Variants in HDAC9 observed in about 807,000 individuals in gnomAD.
HDAC9 encodes MEF-2 interacting transcription repressor (MITR) protein.
In HDAC9, 41 loss-of-function variants were observed where a neutral mutation model predicts 139.4. The observed-to-expected ratio is 0.29, with a 90% CI of 0.23 to 0.38. The LOEUF (loss-of-function observed/expected upper bound fraction) is 0.38, where lower values mean the gene tolerates loss of function less well. Ranked by LOEUF, HDAC9 falls within the 10% of genes least tolerant of loss-of-function variation. The pLI, the probability that HDAC9 is intolerant of heterozygous loss-of-function variation, is 1.00. For synonymous variants in HDAC9, 517 were observed against 476.2 expected, an observed-to-expected ratio of 1.09 and a Z score of -1.12; for missense variants, 1,147 against 1,297.0, an observed-to-expected ratio of 0.88 and a Z score of 1.78.
At position 18,182,436 on chromosome 7, in the gene HDAC9, C is replaced by T. The variant is rs757287192; in HGVS notation, c.25+20087C>T. Reference sequence around the variant, plus strand: ...AGAATAGCCAATATGTGATGACTGACGGGAAAACAGACAAACATAGTGGGA... The same window carrying T: ...AGAATAGCCAATATGTGATGACTGATGGGAAAACAGACAAACATAGTGGGA... On this transcript the variant is annotated intron_variant, in intron 2 of 12. Coordinates refer to the HDAC9 transcript ENST00000417496. Among the ~76,000 whole-genome samples, 21 of 152,104 alleles carry T rather than the reference C, an allele frequency of 1.4e-4. 1 individual carries two copies. The highest frequency in any genetic ancestry group is 2.4e-4 in the African/African-American group (10 of 41,506).
rs149720865 is a variant in HDAC9 at position 18,655,827 on chromosome 7, C to T, written c.1467+7144C>T. 7.2e-5 allele frequency among the ~76,000 whole-genome samples: 11 copies of T among 152,034 alleles called. No individual in the cohort carries two copies. In the East Asian group the frequency reaches 1.5e-3, roughly 21 times the overall value. ...TGGACATGACTATGAGGTAAGAAAACGGGGGGAAGAAAAATATCTGGGGAA... is the reference window on the plus strand; with the variant it reads ...TGGACATGACTATGAGGTAAGAAAATGGGGGGAAGAAAAATATCTGGGGAA... On this transcript the variant is annotated intron_variant, in intron 11 of 25. Transcript: ENST00000686413.
chr7:18,307,628 C>A, intron 1 of HDAC9, among the ~76,000 whole-genome samples: 1 of 151,818 alleles, frequency 6.6e-6, no homozygotes. Flanking sequence ...CATGGTGAAA[C>A]CCTGCCTCTA....
chr7:18,599,027 A>T (rs1833237915), intron 6 of HDAC9, among the ~76,000 whole-genome samples: 1 of 152,192 alleles, frequency 6.6e-6, no homozygotes, highest in Non-Finnish European at 1.5e-5. Context: ...ATAAAATAAA[A>T]AACGGAGCAG....
chr7:18,969,083 C>T (rs1316481475), intron 24 of HDAC9, among the ~76,000 whole-genome samples: 2 of 151,698 alleles, frequency 1.3e-5, no homozygotes, highest in African/African-American at 2.4e-5. Flanking sequence ...CACGTGCGCG[C>T]GTGCACAGAG....
intron 2 of HDAC9, among the ~76,000 whole-genome samples, chr7:18,192,431 C>T (rs1194960527): frequency 6.6e-6 from 1 of 152,122 alleles, no homozygotes; most frequent in Non-Finnish European, 1.5e-5. Context: ...ACCTCTTGTG[C>T]TCACTTACGT....
intron 2 of HDAC9, among the ~76,000 whole-genome samples, chr7:18,190,223 G>A (rs1790244096): frequency 6.6e-6 from 1 of 152,138 alleles, no homozygotes; most frequent in African/African-American, 2.4e-5. Context: ...GGGATTACAG[G>A]CGTGAGCCAC....
chr7:18,637,499 A>T (rs775938652), intron 8 of HDAC9, among the ~76,000 whole-genome samples: 2 of 151,672 alleles, frequency 1.3e-5, no homozygotes, highest in African/African-American at 2.4e-5. Flanking sequence ...CTTTCCTTTC[A>T]CCCCCACCAT....
At chr7:18,462,336 A>G (rs1179981159) in intron 1 of HDAC9, among the ~76,000 whole-genome samples, 4 of 152,062 alleles carry the variant, frequency 2.6e-5, no homozygotes, top group Admixed American at 2.0e-4. Flanking sequence ...CTCAGACACT[A>G]GGTTCACATT....
rs527786196 is a variant in HDAC9, at chr7:18,801,110, G to T, written c.2322+7658G>T. 3.3e-5 allele frequency among the ~76,000 whole-genome samples: 5 copies of T among 151,888 alleles called. No individual in the cohort carries two copies. The South Asian group carries it at 6.2e-4, about 19-fold the overall frequency. The stretch of plus-strand genomic sequence containing the variant: ...CAATAATTATGCCATTTTAAAATTT[G>T]TATTTCCTTATTACATGGGCTAAAA... On this transcript the variant is annotated intron_variant, in intron 17 of 25. Transcript: ENST00000686413.
At chr7:18,836,541 C>T (rs1796251309) in intron 21 of HDAC9, among the ~76,000 whole-genome samples, 2 of 152,080 alleles carry the variant, frequency 1.3e-5, no homozygotes, top group Non-Finnish European at 2.9e-5. Flanking sequence ...TAATTGGTTG[C>T]TTCCATTTTC....
intron 2 of HDAC9, among the ~76,000 whole-genome samples, chr7:18,165,860 T>A (rs868580846): frequency 6.6e-6 from 1 of 151,964 alleles, no homozygotes; most frequent in Middle Eastern, 3.4e-3. Flanking sequence ...AGGCAATAAT[T>A]TGAGGGGAAC....
At chr7:18,296,258 G>A (rs998013439) in intron 1 of HDAC9, among the ~76,000 whole-genome samples, 22 of 152,120 alleles carry the variant, frequency 1.4e-4, no homozygotes, top group Admixed American at 5.2e-4. Context: ...GCTTCCTTAT[G>A]CAAAGTTAGT....
chr7:18,654,719 TA>T (rs907426914), intron 11 of HDAC9, among the ~76,000 whole-genome samples: 3 of 151,768 alleles, frequency 2.0e-5, no homozygotes, highest in African/African-American at 4.8e-5. Flanking sequence ...AAACAAACAT[TA>T]AAAAAAATAG....
intron 2 of HDAC9, among the ~76,000 whole-genome samples, chr7:18,570,804 G>T (rs953985191): frequency 2.0e-5 from 3 of 152,172 alleles, no homozygotes; most frequent in Non-Finnish European, 4.4e-5. Flanking sequence ...CATTCAGAAC[G>T]ATGTTTGTTA....
chr7:18,881,827 T>C (rs920343308), intron 22 of HDAC9, among the ~76,000 whole-genome samples: 3 of 152,134 alleles, frequency 2.0e-5, no homozygotes, highest in African/African-American at 7.2e-5. Context: ...CTTCTCATAA[T>C]GGCATTTCAG....
Position 18,625,483 on chromosome 7 carries a change from C to T in HDAC9, c.665-3867C>T, listed in dbSNP as rs572011953. On this transcript the variant is annotated intron_variant, in intron 6 of 25. Coordinates refer to ENST00000686413, the MANE Select transcript of HDAC9 (RefSeq NM_178425.4). ...GCTTTGTAGGATGTTTGGCAGTACC[C>T]CTGGCCTGTACCCATACCAGATGCC... Among the ~76,000 whole-genome samples the T allele has an allele frequency of 2.6e-5, 4 of 152,228 alleles. No individual in the cohort carries two copies. The South Asian group carries it at 6.2e-4, about 24-fold the overall frequency.
intron 2 of HDAC9, among the ~76,000 whole-genome samples, chr7:18,275,248 A>G (rs1002392560): frequency 2.6e-5 from 4 of 152,178 alleles, no homozygotes; most frequent in Admixed American, 1.3e-4. Context: ...TGTACCTTCA[A>G]TACATAAGGA....
At chr7:18,824,020 AGAAGAG>A (rs201244341) in intron 17 of HDAC9, among the ~76,000 whole-genome samples, 13 of 111,564 alleles carry the variant, frequency 1.2e-4, no homozygotes, top group Admixed American at 8.6e-4. Context: ...GGGAAGGGGA[AGAAGAG>A]GAAGAGGAAG....
At chr7:18,257,509 T>C (rs1795356010) in intron 2 of HDAC9, among the ~76,000 whole-genome samples, 1 of 151,974 alleles carries the variant, frequency 6.6e-6, no homozygotes, top group Non-Finnish European at 1.5e-5. Context: ...TAAGGTACTA[T>C]CCATTTTGTA....
Sources: allele counts gnomAD v4.1 joint callset (sites outside exome capture counted in the v4.1 genomes callset), GRCh38; gene constraint gnomAD v4.1.1; transcripts MANE v1.5; gene names NCBI Gene and HGNC (gene_info 2026-07-23, HGNC 2026-07-21).